Variants in PCGF3 observed in about 807,000 individuals in gnomAD.
PCGF3 encodes the protein polycomb group RING finger protein 3.
Under a neutral mutation model 33.1 loss-of-function variants are expected in PCGF3, and 7 were observed. That is an observed-to-expected ratio of 0.21 (90% confidence interval 0.12 to 0.40). The LOEUF is 0.40. Ranked by LOEUF, PCGF3 falls within the 10% of genes least tolerant of loss-of-function variation. The pLI is 1.00. For synonymous variants in PCGF3, 153 were observed against 121.3 expected, an observed-to-expected ratio of 1.26 and a Z score of -1.72; for missense variants, 211 against 313.3, an observed-to-expected ratio of 0.67 and a Z score of 2.46.
chr4:748,684 C>G (rs371602996), intron 8 of PCGF3, among the ~76,000 whole-genome samples: 1 of 152,166 alleles, frequency 6.6e-6, no homozygotes, highest in African/African-American at 2.4e-5. Flanking sequence ...TTCATGACCC[C>G]GGTTTCACTG....
At chr4:760,945 C>T (rs577390206) in intron 8 of PCGF3, among the ~76,000 whole-genome samples, 22 of 152,356 alleles carry the variant, frequency 1.4e-4, no homozygotes, top group East Asian at 5.8e-4. Context: ...CTCCCCTTTG[C>T]GCCATGTTTG....
intron 6 of PCGF3, among the ~76,000 whole-genome samples, chr4:738,041 C>T (rs1743911362): frequency 6.6e-6 from 1 of 152,254 alleles, no homozygotes; most frequent in Non-Finnish European, 1.5e-5. Flanking sequence ...CTGAAAGCTC[C>T]CCAGCTCCCG....
intron 1 of PCGF3, among the ~76,000 whole-genome samples, chr4:714,181 A>C (rs1742704798): frequency 1.3e-4 from 20 of 152,114 alleles, no homozygotes; most frequent in Admixed American, 1.3e-3. Context: ...CAAATCTGCG[A>C]GCGCCTTGAT....
At chr4:760,803 G>A (rs1410223698) in intron 8 of PCGF3, among the ~76,000 whole-genome samples, 1 of 152,196 alleles carries the variant, frequency 6.6e-6, no homozygotes, top group East Asian at 1.9e-4. Flanking sequence ...TTTTTATCCT[G>A]CGGCCAAACT....
intron 9 of PCGF3, chr4:762,273 G>A (rs1054947619): frequency 1.3e-4 from 30 of 228,726 alleles, no homozygotes; most frequent in Middle Eastern, 2.3e-3. Context: ...AAGTGAGGCG[G>A]AGGAAGACTC....
intron 5 of PCGF3, among the ~76,000 whole-genome samples, chr4:735,808 G>T (rs984493089): frequency 1.3e-5 from 2 of 152,206 alleles, no homozygotes; most frequent in African/African-American, 4.8e-5. Context: ...CCCTGGGCCA[G>T]CCACCATTTC....
chr4:729,082 A>G (rs1260371242), intron 1 of PCGF3, among the ~76,000 whole-genome samples: 1 of 130,626 alleles, frequency 7.7e-6, no homozygotes, highest in Non-Finnish European at 1.6e-5. Context: ...CCTGGGTGAC[A>G]GAGCGAGACT....
At chr4:768,926 G>A (rs890896574) in exon 11 of PCGF3, 3 of 152,638 alleles carry the variant, frequency 2.0e-5, no homozygotes, top group African/African-American at 7.2e-5. Context: ...TTAGACATCT[G>A]TTTAAATGGT....
exon 9 of PCGF3, chr4:761,349 C>T: frequency 6.2e-7 from 1 of 1,612,376 alleles, no homozygotes; most frequent in Non-Finnish European, 8.5e-7. Flanking sequence ...CGCTGCTCAG[C>T]CCAGGCGACC....
chr4:750,863 A>G (rs1192002617), intron 8 of PCGF3, among the ~76,000 whole-genome samples: 1 of 150,188 alleles, frequency 6.7e-6, no homozygotes, highest in African/African-American at 2.5e-5. Flanking sequence ...TTTCCTGTTC[A>G]GTGTGTTTTC....
Position 737,536 on chromosome 4 carries a change from G to C in PCGF3, c.262+15G>C, listed in dbSNP as rs755289878. ...CCTCCAAGAAGGTGAGTGTCTGACTGTCTTGCTGATCCCTGAGGTCCCAGC... is the reference window on the plus strand; with the variant it reads ...CCTCCAAGAAGGTGAGTGTCTGACTCTCTTGCTGATCCCTGAGGTCCCAGC... On this transcript the variant is annotated intron_variant, in intron 6 of 10. Coordinates refer to ENST00000362003, the Ensembl canonical transcript of PCGF3. 6.4e-7 allele frequency: 1 copy of C among 1,565,742 alleles called. No individual in the cohort carries two copies. Among genetic ancestry groups the C allele is most frequent in the Admixed American group, 1.7e-5 (1 of 59,934 alleles).
intron 8 of PCGF3, among the ~76,000 whole-genome samples, chr4:749,686 C>T (rs1232133684): frequency 6.6e-6 from 1 of 152,048 alleles, no homozygotes; most frequent in Non-Finnish European, 1.5e-5. Context: ...GGGGTTTCAC[C>T]ATGTTGGCCA....
intron 8 of PCGF3, 34 bp from the exon 9 acceptor site, chr4:761,245 C>A: frequency 6.5e-7 from 1 of 1,541,706 alleles, no homozygotes; most frequent in Non-Finnish European, 8.8e-7. Context: ...GGGGAACCCT[C>A]CTGCTGCGCT....
intron 1 of PCGF3, among the ~76,000 whole-genome samples, chr4:710,912 T>G (rs1008150575): frequency 1.8e-4 from 28 of 152,356 alleles, no homozygotes; most frequent in African/African-American, 6.5e-4. Context: ...CCTAAACCAT[T>G]TTAAATATAT....
chr4:727,365 C>T (rs1577407112), intron 1 of PCGF3, among the ~76,000 whole-genome samples: 1 of 151,040 alleles, frequency 6.6e-6, no homozygotes, highest in Non-Finnish European at 1.5e-5. Flanking sequence ...CTCAGCCTCT[C>T]GAACAGCTGG....
exon 11 of PCGF3, chr4:766,355 A>G: frequency 5.4e-6 from 2 of 367,906 alleles, no homozygotes; most frequent in African/African-American, 2.1e-5. Flanking sequence ...GCTCCAGGCA[A>G]CACGGTTCTG....
In PCGF3 at chr4:714,752, C is replaced by A. The variant is rs552936754; in HGVS notation, c.-190+8782C>A. Among the ~76,000 whole-genome samples the A allele has an allele frequency of 1.3e-4, 20 of 152,332 alleles. No homozygotes were observed. In the East Asian group the frequency reaches 3.3e-3, roughly 25 times the overall value. On this transcript the variant is annotated intron_variant, in intron 1 of 10. Coordinates refer to ENST00000362003, the Ensembl canonical transcript of PCGF3. Reference sequence around the variant, plus strand: ...GCCCTGACGTCCTCTTCAGTCTCAGCTGGAGAAAGCTGCCCTGGAGGGACT... The same window carrying A: ...GCCCTGACGTCCTCTTCAGTCTCAGATGGAGAAAGCTGCCCTGGAGGGACT...
intron 8 of PCGF3, among the ~76,000 whole-genome samples, chr4:750,237 C>T (rs933556137): frequency 3.3e-5 from 5 of 152,216 alleles, no homozygotes; most frequent in Admixed American, 6.5e-5. Context: ...CCTTTTTAAT[C>T]GAGAAGTTTG....
chr4:717,009 G>T (rs528270657), intron 1 of PCGF3, among the ~76,000 whole-genome samples: 2 of 144,364 alleles, frequency 1.4e-5, no homozygotes, highest in Non-Finnish European at 3.0e-5. Context: ...AGAACTGGGC[G>T]TCTGTGCTGG....
Sources: gnomAD v4.1 joint callset for allele counts (sites outside exome capture counted in the v4.1 genomes callset) on GRCh38, gnomAD v4.1.1 for gene constraint, MANE v1.5 for transcripts, NCBI Gene and HGNC (gene_info 2026-07-23, HGNC 2026-07-21) for gene names.